Variants in STX3 observed in about 807,000 individuals in gnomAD.
STX3 encodes the protein syntaxin 3.
In STX3, 19 loss-of-function variants were observed where a neutral mutation model predicts 40.2. The ratio of observed to expected loss-of-function variants is 0.47; its 90% confidence interval spans 0.33 to 0.69. The LOEUF (loss-of-function observed/expected upper bound fraction) is 0.69, where lower values mean the gene tolerates loss of function less well. STX3 is among the 30% of genes least tolerant of loss of function. The pLI is 0.02. For missense variants in STX3, 364 were observed against 366.7 expected, an observed-to-expected ratio of 0.99 and a Z score of 0.06; for synonymous variants, 122 against 132.2, an observed-to-expected ratio of 0.92 and a Z score of 0.53.
At chr11:59,791,474 G>A (rs1474299399) in intron 5 of STX3, among the ~76,000 whole-genome samples, 1 of 152,128 alleles carries the variant, frequency 6.6e-6, no homozygotes, top group African/African-American at 2.4e-5. Flanking sequence ...TGGGAAAGAA[G>A]CAGGAAACTG....
At chr11:59,762,255 C>T (rs941814103) in intron 1 of STX3, among the ~76,000 whole-genome samples, 3 of 152,186 alleles carry the variant, frequency 2.0e-5, no homozygotes, top group East Asian at 1.9e-4. Context: ...GTGGAGCAGC[C>T]GTTAAGAGGC....
chr11:59,757,400 T>C (rs1862777759), intron 1 of STX3, among the ~76,000 whole-genome samples: 1 of 152,194 alleles, frequency 6.6e-6, no homozygotes, highest in African/African-American at 2.4e-5. Flanking sequence ...AGGAAGATAC[T>C]CCATGGCCCC....
chr11:59,805,511 C>T lies in STX3; in HGVS notation c.*4687C>T, dbSNP rs1465441452. On this transcript the variant is annotated 3_prime_UTR_variant, in exon 11 of 11. Transcript: ENST00000337979. ...GGTTTGATATTTCTATTAATTTGTG[C>T]TTCCTTTAGTTTTAATAGGGGATAG... The T allele has an allele frequency of 1.3e-5, 2 of 152,142 alleles. No individual in the cohort carries two copies. The highest frequency in any genetic ancestry group is 2.1e-4 in the South Asian group (1 of 4,828). 9.4% of individuals were successfully genotyped at this position (152,142 alleles called of 1,614,324 possible). A position where few individuals can be genotyped will look rare whatever the true frequency, so the allele number is the denominator to read the frequency against.
chr11:59,773,981 A>C (rs1968798), intron 2 of STX3, among the ~76,000 whole-genome samples: 4,184 of 122,788 alleles, frequency 0.034, 99 homozygotes, highest in African/African-American at 0.13. Flanking sequence ...CACACACAAA[A>C]AAAAAAAAAA....
At chr11:59,797,225 T>A in intron 9 of STX3, 58 bp from the exon 10 acceptor site, 1 of 1,389,482 alleles carries the variant, frequency 7.2e-7, no homozygotes, top group Admixed American at 1.7e-5. Flanking sequence ...TTGGATGAGT[T>A]GTTATTTTTT....
chr11:59,805,594 A>T lies in STX3; in HGVS notation c.*4770A>T, dbSNP rs1866060492. Reference sequence around the variant, plus strand: ...AATCTGGGCAAACGGAGCTGGAGCTATGAGGATCTGAGTCCTAGGGGGCCC... The same window carrying T: ...AATCTGGGCAAACGGAGCTGGAGCTTTGAGGATCTGAGTCCTAGGGGGCCC... On this transcript the variant is annotated 3_prime_UTR_variant, in exon 11 of 11. Coordinates refer to ENST00000337979, the MANE Select transcript of STX3 (RefSeq NM_004177.5). The T allele has an allele frequency of 6.6e-6, 1 of 152,244 alleles. No homozygotes were observed. The highest frequency in any genetic ancestry group is 1.5e-5 in the Non-Finnish European group (1 of 68,078). The allele number at this position is 152,244 out of a possible 1,614,324, so 9.4% of individuals were successfully genotyped here.
chr11:59,793,810 T>G lies in STX3; in HGVS notation c.675+296T>G, dbSNP rs867748267. Among the ~76,000 whole-genome samples the G allele has an allele frequency of 6.2e-3, 932 of 151,496 alleles. 10 individuals are homozygous for G. Among genetic ancestry groups the G allele is most frequent in the African/African-American group, 0.021 (876 of 41,372 alleles). On this transcript the variant is annotated intron_variant, in intron 8 of 10. Coordinates refer to ENST00000337979, the MANE Select transcript of STX3 (RefSeq NM_004177.5). ...ACCCAGTTTTCCTGGATTTTTGATT[T>G]TTTTTTTTTTTTTAAGATGGAGTAT...
rs780749214 is a variant in STX3 at position 59,773,312 on chromosome 11, AT to A, written c.114+25del. On this transcript the variant is annotated intron_variant, in intron 2 of 10. Coordinates refer to ENST00000337979, the MANE Select transcript of STX3 (RefSeq NM_004177.5). Reference sequence around the variant, plus strand: ...TTTCTGAGGTAGGCAACCTTCCTGTATTTTTTTCTAAATGTACATAAGGAAA... The same window carrying A: ...TTTCTGAGGTAGGCAACCTTCCTGTATTTTTTCTAAATGTACATAAGGAAA... 1 of 1,612,608 alleles carries A rather than the reference AT, an allele frequency of 6.2e-7. No individual in the cohort carries two copies.
At chr11:59,758,673 G>C (rs1862866243) in intron 1 of STX3, among the ~76,000 whole-genome samples, 1 of 152,192 alleles carries the variant, frequency 6.6e-6, no homozygotes, top group Non-Finnish European at 1.5e-5. Context: ...TGCTTTTTCA[G>C]TGACACAGGA....
Position 59,802,089 on chromosome 11 carries a change from A to C in STX3, c.*1265A>C. 1 of 985,448 alleles carries C rather than the reference A, an allele frequency of 1.0e-6. No individual in the cohort carries two copies. The highest frequency in any genetic ancestry group is 1.2e-6 in the Non-Finnish European group (1 of 829,942). The allele number at this position is 985,448 out of a possible 1,614,324, so 61.0% of individuals were successfully genotyped here. A position where few individuals can be genotyped will look rare whatever the true frequency, so the allele number is the denominator to read the frequency against. On this transcript the variant is annotated 3_prime_UTR_variant, in exon 11 of 11. Transcript: ENST00000337979. ...TAGGCTTGTCCTGAGAACATCCCTC[A>C]GTAACTTGATATTCACATGACCTAC...
At chr11:59,794,344 G>C (rs1865392816) in intron 8 of STX3, among the ~76,000 whole-genome samples, 1 of 152,208 alleles carries the variant, frequency 6.6e-6, no homozygotes, top group Non-Finnish European at 1.5e-5. Context: ...ACAGGGTCAT[G>C]GTGCTGTGCA....
chr11:59,805,258 TCAGCTTTAAAAC>T lies in STX3; in HGVS notation c.*4440_*4451del, dbSNP rs1176848810. 2.0e-5 allele frequency: 3 copies of T among 152,112 alleles called. No homozygotes were observed. Among genetic ancestry groups the T allele is most frequent in the African/African-American group, 7.2e-5 (3 of 41,394 alleles). The allele number at this position is 152,112 out of a possible 1,614,324, so 9.4% of individuals were successfully genotyped here. ...AATTCCATTCAAGGTTCAGTTGTGT[TCAGCTTTAAAAC>T]CAGCTATGTGAATGTGAGTTCTAGT... On this transcript the variant is annotated 3_prime_UTR_variant, in exon 11 of 11. Coordinates refer to ENST00000337979, the MANE Select transcript of STX3 (RefSeq NM_004177.5).
chr11:59,765,035 T>G (rs898362472), intron 1 of STX3, among the ~76,000 whole-genome samples: 1 of 152,104 alleles, frequency 6.6e-6, no homozygotes, highest in Non-Finnish European at 1.5e-5. Context: ...TGTCTTCATC[T>G]TTCAAATAGG....
At chr11:59,783,945 C>T (rs1198570012) in intron 2 of STX3, among the ~76,000 whole-genome samples, 1 of 152,186 alleles carries the variant, frequency 6.6e-6, no homozygotes, top group Non-Finnish European at 1.5e-5. Context: ...AGACCAGCTA[C>T]AGTGGGTGGA....
intron 2 of STX3, 34 bp from the exon 3 acceptor site, chr11:59,787,003 T>A: frequency 1.9e-6 from 3 of 1,583,438 alleles, no homozygotes; most frequent in Non-Finnish European, 2.6e-6. Flanking sequence ...TACTTCCTCT[T>A]TGATGATGAA....
In STX3 at chr11:59,802,796, C is replaced by G. The variant is rs761882788; in HGVS notation, c.*1972C>G. On this transcript the variant is annotated 3_prime_UTR_variant, in exon 11 of 11. Coordinates refer to ENST00000337979, the MANE Select transcript of STX3 (RefSeq NM_004177.5). ...TCAGGTTTTAGAATGCAGTTCACAC[C>G]TTTTTAAGCCATGTGCTGGATCAGA... is the stretch of plus-strand genomic sequence containing the variant. The G allele has an allele frequency of 1.3e-5, 13 of 987,124 alleles. No homozygotes were observed. Among genetic ancestry groups the G allele is most frequent in the Non-Finnish European group, 1.6e-5 (13 of 831,222 alleles). 61.1% of individuals were successfully genotyped at this position (987,124 alleles called of 1,614,324 possible).
At chr11:59,800,481 G>T (rs1865823252) in intron 10 of STX3, 1 of 985,356 alleles carries the variant, frequency 1.0e-6, no homozygotes, top group East Asian at 1.1e-4. Context: ...AGGCAGCAGG[G>T]AGTTCATGAA....
chr11:59,803,321 G>A lies in STX3; in HGVS notation c.*2497G>A, dbSNP rs1167199785. 2 of 1,226,882 alleles carry A rather than the reference G, an allele frequency of 1.6e-6. No homozygotes were observed. The highest frequency in any genetic ancestry group is 4.1e-5 in the South Asian group (1 of 24,220). 76.0% of individuals were successfully genotyped at this position (1,226,882 alleles called of 1,614,324 possible). ...AAAAGGTGAGCCATCTGTGGGGAGG[G>A]TCAGACCTTCTTTCACTGACTTGAA... On this transcript the variant is annotated 3_prime_UTR_variant, in exon 11 of 11. Transcript: ENST00000337979.
intron 1 of STX3, among the ~76,000 whole-genome samples, chr11:59,763,453 G>A (rs1863137639): frequency 6.6e-6 from 1 of 152,150 alleles, no homozygotes; most frequent in African/African-American, 2.4e-5. Context: ...TGTGAGGATT[G>A]GACTTCAATG....
Sources: allele counts gnomAD v4.1 joint callset (sites outside exome capture counted in the v4.1 genomes callset), GRCh38; gene constraint gnomAD v4.1.1; transcripts MANE v1.5; gene names NCBI Gene and HGNC (gene_info 2026-07-23, HGNC 2026-07-21).